The following AEBP2 variants were observed in gnomAD, a reference collection of about 807,000 sequenced individuals.
AEBP2 encodes zinc finger protein AEBP2.
In AEBP2, 10 loss-of-function variants were observed where a neutral mutation model predicts 50.8. The ratio of observed to expected loss-of-function variants is 0.20; its 90% CI spans 0.12 to 0.33. AEBP2 has a LOEUF of 0.33. Among genes scored for constraint, AEBP2 ranks in the 10% least tolerant of loss-of-function variants. The pLI, the probability that AEBP2 is intolerant of heterozygous loss-of-function variation, is 1.00. For missense variants in AEBP2, 570 were observed against 688.0 expected, an observed-to-expected ratio of 0.83 and a Z score of 1.92; for synonymous variants, 296 against 261.3, an observed-to-expected ratio of 1.13 and a Z score of -1.28.
intron 1 of AEBP2, among the ~76,000 whole-genome samples, chr12:19,418,194 T>C (rs2095743655): frequency 6.6e-6 from 1 of 152,064 alleles, no homozygotes; most frequent in South Asian, 2.1e-4. Context: ...TTATCGTAAC[T>C]GAGACACCCC....
chr12:19,453,757 A>G (rs1421331942), intron 1 of AEBP2, among the ~76,000 whole-genome samples: 2 of 151,252 alleles, frequency 1.3e-5, no homozygotes, highest in African/African-American at 4.9e-5. Context: ...GTGTTTGTGG[A>G]TGATACATGT....
At chr12:19,453,038 G>A (rs1054441905) in intron 1 of AEBP2, among the ~76,000 whole-genome samples, 1 of 139,400 alleles carries the variant, frequency 7.2e-6, no homozygotes, top group South Asian at 2.2e-4. Context: ...GCATGATCTC[G>A]GCTCATTGCA....
chr12:19,515,061 A>C (rs1949299218), intron 7 of AEBP2, among the ~76,000 whole-genome samples: 1 of 152,216 alleles, frequency 6.6e-6, no homozygotes, highest in African/African-American at 2.4e-5. Flanking sequence ...TTTGAAAATA[A>C]GTGCCCTTTA....
chr12:19,497,121 A>G (rs1052607664), intron 4 of AEBP2, among the ~76,000 whole-genome samples: 49 of 151,894 alleles, frequency 3.2e-4, no homozygotes, highest in African/African-American at 1.1e-3. Context: ...TTAGAGATTT[A>G]CCAATATGGT....
intron 1 of AEBP2, among the ~76,000 whole-genome samples, chr12:19,419,713 T>C (rs2095744556): frequency 1.3e-5 from 2 of 152,098 alleles, no homozygotes; most frequent in African/African-American, 4.8e-5. Flanking sequence ...GCAGATAGAC[T>C]GAACTCCGGA....
intron 1 of AEBP2, chr12:19,456,675 A>G (rs2153369139): frequency 2.6e-6 from 4 of 1,567,380 alleles, no homozygotes; most frequent in Middle Eastern, 2.2e-4. Context: ...GCCATGACGA[A>G]CATCCTTGAC....
intron 5 of AEBP2, chr12:19,509,386 A>G (rs1260601938): frequency 5.8e-6 from 1 of 171,930 alleles, no homozygotes; most frequent in Non-Finnish European, 1.2e-5. Context: ...CTTAATAATA[A>G]CATGGCTTTG....
At position 19,479,944 on chromosome 12, in the gene AEBP2, C is replaced by G. The variant is rs112091967; in HGVS notation, c.987+6589C>G. On this transcript the variant is annotated intron_variant, in intron 3 of 7. Transcript: ENST00000266508. The stretch of plus-strand genomic sequence containing the variant: ...TTTTATCCATTTTCCCATTCCATAC[C>G]TTTTAAATGTAGCATTTAGGCCATT... Among the ~76,000 whole-genome samples, 434 of 151,642 alleles carry G rather than the reference C, an allele frequency of 2.9e-3. 1 individual carries two copies. Among genetic ancestry groups the G allele is most frequent in the African/African-American group, 9.9e-3 (410 of 41,366 alleles).
chr12:19,460,247 T>TACC (rs1029812422), intron 1 of AEBP2, among the ~76,000 whole-genome samples: 90 of 152,250 alleles, frequency 5.9e-4, no homozygotes, highest in Non-Finnish European at 9.9e-4. Context: ...ACATTTGATG[T>TACC]TAGACACAGA....
chr12:19,513,900 T>C (rs908649332), intron 6 of AEBP2, among the ~76,000 whole-genome samples: 1 of 152,020 alleles, frequency 6.6e-6, no homozygotes, highest in Non-Finnish European at 1.5e-5. Flanking sequence ...GCATTTTTTT[T>C]TTTTTTTTTA....
At chr12:19,416,214 C>T (rs2095742502) in intron 1 of AEBP2, among the ~76,000 whole-genome samples, 1 of 152,078 alleles carries the variant, frequency 6.6e-6, no homozygotes, top group African/African-American at 2.4e-5. Context: ...CAAAACCCAA[C>T]TTTGGTTACT....
chr12:19,447,677 G>C (rs1396814045), intron 1 of AEBP2, among the ~76,000 whole-genome samples: 1 of 56,876 alleles, frequency 1.8e-5, no homozygotes, highest in Non-Finnish European at 3.4e-5. Flanking sequence ...TATTTACTTC[G>C]TAGAGTCATT....
intron 1 of AEBP2, among the ~76,000 whole-genome samples, chr12:19,411,182 A>T (rs866965696): frequency 2.0e-5 from 3 of 152,234 alleles, no homozygotes; most frequent in South Asian, 4.1e-4. Flanking sequence ...CTACAATTTG[A>T]GAGTGGATCT....
At chr12:19,453,111 G>A (rs1948195138) in intron 1 of AEBP2, among the ~76,000 whole-genome samples, 2 of 151,666 alleles carry the variant, frequency 1.3e-5, no homozygotes, top group African/African-American at 4.8e-5. Flanking sequence ...TGGGACCACG[G>A]GTACCCGCCA....
Position 19,518,146 on chromosome 12 carries a change from A to T in AEBP2, c.*29A>T. 1 of 1,584,136 alleles carries T rather than the reference A, an allele frequency of 6.3e-7. No homozygotes were observed. The highest frequency in any genetic ancestry group is 8.6e-7 in the Non-Finnish European group (1 of 1,164,812). ...ATAAATAAATACATAAAAAGCAAAC[A>T]AGCGGGGACACCTGCAGTCTTAGTC... On this transcript the variant is annotated 3_prime_UTR_variant, in exon 8 of 8. Transcript: ENST00000266508.
At chr12:19,465,221 C>T (rs989972024) in intron 2 of AEBP2, among the ~76,000 whole-genome samples, 15 of 151,832 alleles carry the variant, frequency 9.9e-5, no homozygotes, top group African/African-American at 2.9e-4. Context: ...GGTGAAACCC[C>T]GTCTCTACTA....
intron 1 of AEBP2, among the ~76,000 whole-genome samples, chr12:19,420,119 G>C (rs1049120575): frequency 1.3e-5 from 2 of 149,480 alleles, no homozygotes; most frequent in African/African-American, 4.9e-5. Context: ...CGCCTCCCAG[G>C]TTCAAGGGAT....
chr12:19,429,753 T>G (rs918689057), intron 1 of AEBP2, among the ~76,000 whole-genome samples: 5 of 152,220 alleles, frequency 3.3e-5, no homozygotes, highest in Non-Finnish European at 7.3e-5. Context: ...TTTTCATGTG[T>G]CTTTTGGCTG....
intron 1 of AEBP2, among the ~76,000 whole-genome samples, chr12:19,415,901 A>G (rs1261274143): frequency 6.6e-6 from 1 of 152,028 alleles, no homozygotes; most frequent in Admixed American, 6.6e-5. Flanking sequence ...TTTTCTTGAA[A>G]TTTCTGGCCA....
Sources: gnomAD v4.1 joint callset for allele counts (sites outside exome capture counted in the v4.1 genomes callset) on GRCh38, gnomAD v4.1.1 for gene constraint, MANE v1.5 for transcripts, NCBI Gene and HGNC (gene_info 2026-07-23, HGNC 2026-07-21) for gene names.